Variants in TSPEAR observed in about 807,000 individuals in gnomAD.
TSPEAR encodes thrombospondin-type laminin G domain and EAR repeat-containing protein.
TSPEAR carries 69 observed loss-of-function variants against 71.6 expected under a neutral mutation model. That is an observed-to-expected ratio of 0.96 (90% CI 0.79 to 1.18). The LOEUF is 1.18. TSPEAR is among the 50% of genes most tolerant of loss of function. TSPEAR has a pLI of 0.00. For missense variants in TSPEAR, 971 were observed against 894.9 expected, an observed-to-expected ratio of 1.09 and a Z score of -1.09; for synonymous variants, 402 against 387.2, an observed-to-expected ratio of 1.04 and a Z score of -0.45.
At chr21:44,632,040 T>C (rs1555935812) in intron 1 of TSPEAR, among the ~76,000 whole-genome samples, 2 of 152,182 alleles carry the variant, frequency 1.3e-5, no homozygotes, top group East Asian at 3.8e-4. Context: ...TTAATATCAC[T>C]GAACGGTACA....
chr21:44,646,253 A>G (rs1364764660), intron 1 of TSPEAR, among the ~76,000 whole-genome samples: 2 of 152,120 alleles, frequency 1.3e-5, no homozygotes, highest in Non-Finnish European at 2.9e-5. Flanking sequence ...AAAAACAAAG[A>G]GATAAACCAG....
At chr21:44,549,906 TGA>T (rs2053374184) in intron 2 of TSPEAR, among the ~76,000 whole-genome samples, 1 of 152,218 alleles carries the variant, frequency 6.6e-6, no homozygotes. Flanking sequence ...AGGGCGCCCC[TGA>T]GCGTATGTGA....
At chr21:44,646,050 A>C (rs1409900396) in intron 1 of TSPEAR, among the ~76,000 whole-genome samples, 1 of 124,306 alleles carries the variant, frequency 8.0e-6, no homozygotes, top group East Asian at 2.8e-4. Flanking sequence ...GCTTGAACCC[A>C]GGGGGCGGAG....
At chr21:44,643,047 G>A (rs138438478) in intron 1 of TSPEAR, among the ~76,000 whole-genome samples, 12 of 152,182 alleles carry the variant, frequency 7.9e-5, no homozygotes, top group African/African-American at 2.2e-4. Context: ...AAGAAAATGC[G>A]GTGCATATGC....
At chr21:44,567,706 C>T in intron 2 of TSPEAR, 79 bp downstream of exon 2, 1 of 1,257,018 alleles carries the variant, frequency 8.0e-7, no homozygotes, top group Non-Finnish European at 1.1e-6. Context: ...GCCCCTCAAC[C>T]TGTGCACGCG....
At chr21:44,690,082 C>T (rs1237135058) in intron 1 of TSPEAR, among the ~76,000 whole-genome samples, 14 of 152,154 alleles carry the variant, frequency 9.2e-5, no homozygotes, top group African/African-American at 3.4e-4. Flanking sequence ...CAGTACTTTG[C>T]ATCCTTCAAT....
At chr21:44,562,096 C>G (rs1271035914) in intron 2 of TSPEAR, among the ~76,000 whole-genome samples, 1 of 152,118 alleles carries the variant, frequency 6.6e-6, no homozygotes, top group East Asian at 1.9e-4. Context: ...CATCTCAGCT[C>G]AAAAATTCCT....
At chr21:44,700,824 G>A (rs57334195) in intron 1 of TSPEAR, among the ~76,000 whole-genome samples, 2,220 of 152,280 alleles carry the variant, frequency 0.015, 52 homozygotes, top group African/African-American at 0.051. Context: ...AAGCCTTCGT[G>A]ACCTGTTTTG....
chr21:44,683,061 C>T lies in TSPEAR; in HGVS notation c.82+28372G>A, dbSNP rs1407441643. On this transcript the variant is annotated intron_variant, in intron 1 of 11. Transcript: ENST00000323084. ...CACGTCGACATCCAGCCGAGACCCC[C>T]TACAGCCCGGCACCAAATGAGTAAG... Among the ~76,000 whole-genome samples, 26 of 152,082 alleles carry T rather than the reference C, an allele frequency of 1.7e-4. 1 individual carries two copies. The highest frequency in any genetic ancestry group is 1.3e-3 in the Admixed American group (20 of 15,270).
chr21:44,558,539 C>T (rs1393892354), intron 2 of TSPEAR: 18 of 1,613,230 alleles, frequency 1.1e-5, no homozygotes, highest in East Asian at 4.5e-5. Flanking sequence ...CACAGGCCGC[C>T]TGGCAGCAGG....
intron 1 of TSPEAR, among the ~76,000 whole-genome samples, chr21:44,613,667 G>A (rs587746942): frequency 3.7e-4 from 57 of 152,252 alleles, no homozygotes; most frequent in African/African-American, 1.0e-3. Context: ...CAAGGGACTC[G>A]ATGGGAACAA....
chr21:44,603,255 C>T (rs1981094976), intron 1 of TSPEAR, among the ~76,000 whole-genome samples: 1 of 152,166 alleles, frequency 6.6e-6, no homozygotes, highest in South Asian at 2.1e-4. Flanking sequence ...TCCTCTGCCC[C>T]TACCCCGGCC....
chr21:44,558,012 T>C, intron 2 of TSPEAR: 1 of 1,571,568 alleles, frequency 6.4e-7, no homozygotes, highest in Non-Finnish European at 8.6e-7. Flanking sequence ...AAGTCAGAGA[T>C]GGCCCTGGAA....
chr21:44,500,659 C>G (rs1176402156), intron 11 of TSPEAR, among the ~76,000 whole-genome samples: 1 of 152,246 alleles, frequency 6.6e-6, no homozygotes, highest in Non-Finnish European at 1.5e-5. Flanking sequence ...CTCCACTGCC[C>G]ATCTTTAACA....
At chr21:44,625,149 C>T (rs587659990) in intron 1 of TSPEAR, among the ~76,000 whole-genome samples, 1 of 152,352 alleles carries the variant, frequency 6.6e-6, no homozygotes, top group South Asian at 2.1e-4. Context: ...GAAGGATCTT[C>T]CCTATTCCAG....
rs1301199543 is a variant in TSPEAR, at chr21:44,695,285, G to A, written c.82+16148C>T. ...GGACTGGACGCTGTGCTGTCTCTCA[G>A]GTACGCAAGTGCACCACAGACTCTG... On this transcript the variant is annotated intron_variant, in intron 1 of 11. Coordinates refer to ENST00000323084, the MANE Select transcript of TSPEAR (RefSeq NM_144991.3). The surrounding 1 kb of genome is among the most constrained non-coding windows in gnomAD (Gnocchi z 4.5). 6.6e-6 allele frequency among the ~76,000 whole-genome samples: 1 copy of A among 152,118 alleles called. No individual in the cohort carries two copies. The highest frequency in any genetic ancestry group is 6.5e-5 in the Admixed American group (1 of 15,278).
intron 9 of TSPEAR, among the ~76,000 whole-genome samples, chr21:44,512,832 G>C (rs1332541083): frequency 2.0e-5 from 3 of 152,170 alleles, no homozygotes; most frequent in African/African-American, 7.2e-5. Flanking sequence ...TGGCCGGAGT[G>C]AATGCTGTGT....
chr21:44,622,317 A>T (rs1402127934), intron 1 of TSPEAR, among the ~76,000 whole-genome samples: 2 of 151,810 alleles, frequency 1.3e-5, no homozygotes, highest in South Asian at 2.2e-4. Context: ...ACTCCCTTTT[A>T]TCTCCTTGCT....
At chr21:44,706,367 CCATGCACGCACACACGCG>C (rs1555952341) in intron 1 of TSPEAR, among the ~76,000 whole-genome samples, 2 of 151,724 alleles carry the variant, frequency 1.3e-5, no homozygotes, top group Non-Finnish European at 2.9e-5. Flanking sequence ...ACTTGCACGC[CCATGCACGCACACACGCG>C]CGTGCACCCA....
Sources: allele counts gnomAD v4.1 joint callset (sites outside exome capture counted in the v4.1 genomes callset), GRCh38; gene constraint gnomAD v4.1.1; non-coding constraint Gnocchi (gnomAD v3.1); transcripts MANE v1.5; gene names NCBI Gene and HGNC (gene_info 2026-07-23, HGNC 2026-07-21).